The following LRRFIP2 variants were observed in gnomAD, a reference collection of about 807,000 sequenced individuals.
LRRFIP2 encodes the protein leucine-rich repeat flightless-interacting protein 2.
Under a neutral mutation model 125.9 loss-of-function variants are expected in LRRFIP2, and 109 were observed. The ratio of observed to expected loss-of-function variants is 0.87; its 90% CI spans 0.74 to 1.01. The LOEUF is 1.01. Among genes scored for constraint, LRRFIP2 ranks in the 50% least tolerant of loss-of-function variants. The pLI is 0.00. For missense variants in LRRFIP2, 850 were observed against 862.3 expected, an observed-to-expected ratio of 0.99 and a Z score of 0.18; for synonymous variants, 291 against 293.1, an observed-to-expected ratio of 0.99 and a Z score of 0.07.
chr3:37,085,086 T>C (rs1026856933), intron 18 of LRRFIP2, among the ~76,000 whole-genome samples: 8 of 152,134 alleles, frequency 5.3e-5, no homozygotes, highest in African/African-American at 1.7e-4. Flanking sequence ...CCTCACACCA[T>C]ACACAAAAAT....
chr3:37,053,787 G>T lies in LRRFIP2; in HGVS notation c.*64C>A. ...GTACTAAAAGGGGTTTGTGTCAATG[G>T]ACAAAAGTCAGTCCCTCTAGGTAGG... On this transcript the variant is annotated 3_prime_UTR_variant, in exon 28 of 28. Coordinates refer to ENST00000336686, the MANE Select transcript of LRRFIP2 (RefSeq NM_006309.4). 9.3e-7 allele frequency: 1 copy of T among 1,071,560 alleles called. No homozygotes were observed. The highest frequency in any genetic ancestry group is 1.5e-6 in the Non-Finnish European group (1 of 687,606). 66.4% of individuals were successfully genotyped at this position (1,071,560 alleles called of 1,614,324 possible). A position where few individuals can be genotyped will look rare whatever the true frequency, so the allele number is the denominator to read the frequency against.
At chr3:37,116,434 GCCCT>G (rs1318879441) in intron 6 of LRRFIP2, among the ~76,000 whole-genome samples, 1 of 152,058 alleles carries the variant, frequency 6.6e-6, no homozygotes, top group African/African-American at 2.4e-5. Flanking sequence ...ACCGTACCCT[GCCCT>G]CAACCAGCAT....
At position 37,053,719 on chromosome 3, in the gene LRRFIP2, A is replaced by T. The variant is rs2086017758; in HGVS notation, c.*132T>A. 1 of 625,774 alleles carries T rather than the reference A, an allele frequency of 1.6e-6. No individual in the cohort carries two copies. Among genetic ancestry groups the T allele is most frequent in the South Asian group, 2.0e-5 (1 of 51,018 alleles). The allele number at this position is 625,774 out of a possible 1,614,324, so 38.8% of individuals were successfully genotyped here. On this transcript the variant is annotated 3_prime_UTR_variant, in exon 28 of 28. Transcript: ENST00000336686. ...AAATGACTTCATTCTGTCATAAATT[A>T]TAAAATACAAAGGTGGCTGTTTTAA...
chr3:37,052,892 AG>A lies in LRRFIP2; in HGVS notation c.*958del, dbSNP rs1488072648. The A allele has an allele frequency of 6.6e-6, 1 of 152,256 alleles. No homozygotes were observed. The highest frequency in any genetic ancestry group is 1.5e-5 in the Non-Finnish European group (1 of 68,046). 9.4% of individuals were successfully genotyped at this position (152,256 alleles called of 1,614,324 possible). ...TAAAGGTGAAACTCAAGTCTTTAAA[AG>A]TTCTACATTCCAGATTGTTTTTCCT... On this transcript the variant is annotated 3_prime_UTR_variant, in exon 28 of 28. Transcript: ENST00000336686.
At chr3:37,149,473 C>T (rs774962024) in intron 1 of LRRFIP2, among the ~76,000 whole-genome samples, 3 of 151,838 alleles carry the variant, frequency 2.0e-5, no homozygotes, top group African/African-American at 4.8e-5. Flanking sequence ...GCCAAGATTG[C>T]GCCACAGCAC....
chr3:37,056,161 G>C (rs1233538614), intron 25 of LRRFIP2, among the ~76,000 whole-genome samples: 3 of 152,134 alleles, frequency 2.0e-5, no homozygotes, highest in African/African-American at 7.2e-5. Context: ...GTTCAGTAAT[G>C]TGATAATGTG....
rs1422367757 is a variant in LRRFIP2, at chr3:37,105,476, AC to A, written c.761del (p.Ser254IlefsTer66). ...TASIVSSDRA[S>X]RGRRESVVSA... ...TCACCACACTCTCCCTTCGTCCACG[AC>A]TGGCACGATCAGAAGACACAATGCT... On this transcript the variant is annotated frameshift_variant, in exon 14 of 28. Coordinates refer to ENST00000336686, the MANE Select transcript of LRRFIP2 (RefSeq NM_006309.4). LOFTEE classifies it high-confidence loss of function. 6 of 1,613,848 alleles carry A rather than the reference AC, an allele frequency of 3.7e-6. No individual in the cohort carries two copies. Among genetic ancestry groups the A allele is most frequent in the Non-Finnish European group, 5.1e-6 (6 of 1,179,894 alleles).
rs1390459922 is a variant in LRRFIP2 at position 37,060,783 on chromosome 3, A to C, written c.1750-1873T>G. Among the ~76,000 whole-genome samples, 1 of 151,938 alleles carries C rather than the reference A, an allele frequency of 6.6e-6. No homozygotes were observed. Among genetic ancestry groups the C allele is most frequent in the Non-Finnish European group, 1.5e-5 (1 of 67,980 alleles). ...ATTGCCAAAATCCCATTCCTTCATC[A>C]CCATTTATTAAATAGCTCCCAACTT... On this transcript the variant is annotated intron_variant, in intron 24 of 27. Coordinates refer to ENST00000336686, the MANE Select transcript of LRRFIP2 (RefSeq NM_006309.4). The surrounding 1 kb of genome is among the most constrained non-coding windows in gnomAD (Gnocchi z 4.1).
intron 2 of LRRFIP2, among the ~76,000 whole-genome samples, chr3:37,142,148 CTTTT>C (rs1006144645): frequency 7.7e-6 from 1 of 129,744 alleles, no homozygotes; most frequent in Non-Finnish European, 1.6e-5. Context: ...ATTTTTCCTA[CTTTT>C]TTTTTTTTTT....
At chr3:37,068,848 AC>A (rs2090644638) in intron 21 of LRRFIP2, 1 of 152,222 alleles carries the variant, frequency 6.6e-6, no homozygotes, top group Admixed American at 6.5e-5. Context: ...CTATAGAGAT[AC>A]GCAAGTTCTT....
intron 1 of LRRFIP2, among the ~76,000 whole-genome samples, chr3:37,157,319 T>C (rs2150164234): frequency 6.6e-6 from 1 of 152,244 alleles, no homozygotes; most frequent in South Asian, 2.1e-4. Context: ...GGCACACACC[T>C]ATAGTCCCAA....
intron 11 of LRRFIP2, among the ~76,000 whole-genome samples, chr3:37,108,980 G>A (rs918255312): frequency 2.0e-5 from 3 of 152,122 alleles, no homozygotes; most frequent in Non-Finnish European, 4.4e-5. Context: ...AGGAAACAGA[G>A]CAGGAAAGGA....
In LRRFIP2 at chr3:37,053,761, AGTACTAAAAGGGGTTT is replaced by A; in HGVS notation, c.*74_*89del. On this transcript the variant is annotated 3_prime_UTR_variant, in exon 28 of 28. Transcript: ENST00000336686. ...CTGTTTTAATGACAAAACTCAAAACAGTACTAAAAGGGGTTTGTGTCAATGGACAAAAGTCAGTCCC... is the reference window on the plus strand; with the variant it reads ...CTGTTTTAATGACAAAACTCAAAACAGTGTCAATGGACAAAAGTCAGTCCC... The A allele has an allele frequency of 3.9e-6, 3 of 775,206 alleles. No homozygotes were observed. In the South Asian group the frequency reaches 4.6e-5, roughly 12 times the overall value. 48.0% of individuals were successfully genotyped at this position (775,206 alleles called of 1,614,324 possible).
rs115078654 is a variant in LRRFIP2, at chr3:37,110,963, A to G, written c.513+28T>C. 1,960 of 1,605,814 alleles carry G rather than the reference A, an allele frequency of 1.2e-3. 16 individuals are homozygous for G. The African/African-American group carries it at 0.022, about 18-fold the overall frequency. On this transcript the variant is annotated intron_variant, in intron 9 of 27. Coordinates refer to ENST00000336686, the MANE Select transcript of LRRFIP2 (RefSeq NM_006309.4). ...GAAATATGTTAAAAGTGAATCAAAC[A>G]CATAAAGCCAAAAAAGTTTAGACAA...
intron 3 of LRRFIP2, 79 bp from the exon 4 acceptor site, chr3:37,127,759 A>G: frequency 9.0e-7 from 1 of 1,105,808 alleles, no homozygotes; most frequent in Non-Finnish European, 1.4e-6. Flanking sequence ...AATCATACAC[A>G]TTTTCCCTAA....
At chr3:37,154,218 C>A (rs2096118280) in intron 1 of LRRFIP2, among the ~76,000 whole-genome samples, 1 of 152,100 alleles carries the variant, frequency 6.6e-6, no homozygotes, top group African/African-American at 2.4e-5. Context: ...TTTTTCCGTT[C>A]TCATGCAATC....
intron 24 of LRRFIP2, among the ~76,000 whole-genome samples, chr3:37,061,092 G>GT (rs1427347122): frequency 6.6e-6 from 1 of 152,178 alleles, no homozygotes; most frequent in Non-Finnish European, 1.5e-5. Context: ...AGATCTGGTT[G>GT]TTTAAGAGTG....
intron 24 of LRRFIP2, among the ~76,000 whole-genome samples, chr3:37,061,205 G>T (rs116483964): frequency 2.0e-5 from 3 of 151,896 alleles, no homozygotes; most frequent in African/African-American, 7.2e-5. Context: ...CTGGCTGGGC[G>T]CGGTGGCTCA....
intron 18 of LRRFIP2, among the ~76,000 whole-genome samples, chr3:37,084,835 T>G (rs899363407): frequency 3.4e-5 from 5 of 148,686 alleles, no homozygotes; most frequent in African/African-American, 4.9e-5. Context: ...TAATTACTAC[T>G]GCCTAATGAC....
Sources: gnomAD v4.1 joint callset for allele counts (sites outside exome capture counted in the v4.1 genomes callset) on GRCh38, gnomAD v4.1.1 for gene constraint, Gnocchi (gnomAD v3.1) non-coding constraint, MANE v1.5 for transcripts, NCBI Gene and HGNC (gene_info 2026-07-23, HGNC 2026-07-21) for gene names.